The following SND1 variants were observed in gnomAD, a reference collection of about 807,000 sequenced individuals.
SND1 encodes the protein staphylococcal nuclease and tudor domain containing 1.
A neutral mutation model predicts 121.7 loss-of-function variants in SND1; 38 were observed. The ratio of observed to expected loss-of-function variants is 0.31; its 90% confidence interval spans 0.24 to 0.41. The LOEUF (loss-of-function observed/expected upper bound fraction) is 0.41. SND1 is among the 10% of genes least tolerant of loss of function. The pLI is 1.00. For missense variants in SND1, 868 were observed against 1,184.6 expected, an observed-to-expected ratio of 0.73 and a Z score of 3.92; for synonymous variants, 401 against 447.4, an observed-to-expected ratio of 0.90 and a Z score of 1.31.
At chr7:127,807,422 G>A (rs1467858809) in intron 10 of SND1, 62 bp from the exon 11 acceptor site, 1 of 1,265,876 alleles carries the variant, frequency 7.9e-7, no homozygotes, top group African/African-American at 1.5e-5. Context: ...TATATCTTGT[G>A]CTGTTGTACA....
At chr7:127,926,494 A>G (rs1584671841) in intron 14 of SND1, among the ~76,000 whole-genome samples, 1 of 148,840 alleles carries the variant, frequency 6.7e-6, no homozygotes. Flanking sequence ...GGAAATAAAC[A>G]TGGCCAGTTC....
chr7:127,799,291 T>TA (rs2116559833), intron 10 of SND1, among the ~76,000 whole-genome samples: 1 of 152,314 alleles, frequency 6.6e-6, no homozygotes, highest in Non-Finnish European at 1.5e-5. Context: ...TTGCTATTAC[T>TA]AGTTATGTGA....
intron 16 of SND1, among the ~76,000 whole-genome samples, chr7:128,019,723 A>G (rs146541891): frequency 1.1e-4 from 16 of 152,362 alleles, no homozygotes; most frequent in African/African-American, 3.8e-4. Flanking sequence ...ACTTGAAACC[A>G]TCATGAAGAA....
chr7:127,737,710 T>C (rs1248457461), intron 10 of SND1, among the ~76,000 whole-genome samples: 1 of 152,220 alleles, frequency 6.6e-6, no homozygotes, highest in Non-Finnish European at 1.5e-5. Context: ...TTGAATGTGC[T>C]CACTAGATGA....
chr7:127,759,032 C>T (rs907045735), intron 10 of SND1, among the ~76,000 whole-genome samples: 9 of 147,908 alleles, frequency 6.1e-5, no homozygotes, highest in Non-Finnish European at 1.2e-4. Context: ...CTGGCCTGGG[C>T]GACATAGCAA....
intron 10 of SND1, among the ~76,000 whole-genome samples, chr7:127,762,058 G>A (rs1797314496): frequency 6.6e-6 from 1 of 152,206 alleles, no homozygotes; most frequent in Non-Finnish European, 1.5e-5. Context: ...AAGAGATCTA[G>A]ATTTTCTTCC....
At chr7:127,765,977 C>T (rs887859820) in intron 10 of SND1, among the ~76,000 whole-genome samples, 36 of 152,250 alleles carry the variant, frequency 2.4e-4, no homozygotes, top group African/African-American at 8.2e-4. Context: ...GTGGTCAGAT[C>T]GTGTCCTCTA....
chr7:128,054,614 C>A (rs1793105084), intron 16 of SND1, among the ~76,000 whole-genome samples: 1 of 152,188 alleles, frequency 6.6e-6, no homozygotes, highest in South Asian at 2.1e-4. Context: ...GACCAAAGAG[C>A]TTTTAAATTC....
At chr7:127,689,169 C>T (rs1795871057) in intron 2 of SND1, among the ~76,000 whole-genome samples, 1 of 152,216 alleles carries the variant, frequency 6.6e-6, no homozygotes, top group African/African-American at 2.4e-5. Flanking sequence ...TGCTTTAGTG[C>T]ATGCTTATAA....
intron 16 of SND1, among the ~76,000 whole-genome samples, chr7:128,048,516 A>C (rs1320661464): frequency 6.6e-6 from 1 of 152,130 alleles, no homozygotes; most frequent in African/African-American, 2.4e-5. Flanking sequence ...ACTGTCTTTG[A>C]GTTAAGTGGT....
intron 10 of SND1, among the ~76,000 whole-genome samples, chr7:127,765,351 G>A (rs1797392478): frequency 6.6e-6 from 1 of 152,180 alleles, no homozygotes; most frequent in Admixed American, 6.5e-5. Context: ...TTAGAATACA[G>A]ATCCTCATGC....
intron 10 of SND1, among the ~76,000 whole-genome samples, chr7:127,805,648 A>G (rs1487133900): frequency 1.3e-5 from 2 of 152,204 alleles, no homozygotes; most frequent in African/African-American, 4.8e-5. Context: ...CCTTAACCAT[A>G]ATATCGACCT....
At chr7:127,953,179 T>C (rs1253825776) in intron 15 of SND1, among the ~76,000 whole-genome samples, 6 of 90,532 alleles carry the variant, frequency 6.6e-5, no homozygotes, top group Admixed American at 5.3e-4. Flanking sequence ...TGTGTGTGTG[T>C]GTGTGTGTGT....
chr7:127,653,273 C>A (rs1341511857), intron 1 of SND1, among the ~76,000 whole-genome samples: 1 of 152,182 alleles, frequency 6.6e-6, no homozygotes, highest in Admixed American at 6.5e-5. Flanking sequence ...CTCCTAGCTC[C>A]ATGATAATTT....
chr7:128,022,809 G>T (rs1336606610), intron 16 of SND1, among the ~76,000 whole-genome samples: 1 of 151,096 alleles, frequency 6.6e-6, no homozygotes, highest in Non-Finnish European at 1.5e-5. Context: ...CTGAAGGCTG[G>T]GTTGCTTCCC....
chr7:127,808,663 G>A (rs1029756260), intron 11 of SND1, among the ~76,000 whole-genome samples: 6 of 152,128 alleles, frequency 3.9e-5, no homozygotes, highest in African/African-American at 1.4e-4. Flanking sequence ...ATGAGTATTC[G>A]ATCTACTCAG....
chr7:127,722,553 G>A (rs1796515366), intron 10 of SND1, among the ~76,000 whole-genome samples: 1 of 151,820 alleles, frequency 6.6e-6, no homozygotes, highest in African/African-American at 2.4e-5. Flanking sequence ...TTTGTATAAA[G>A]GGATAACTAA....
rs181319268 is a variant in SND1 at position 127,957,954 on chromosome 7, G to A, written c.1669+28625G>A. On this transcript the variant is annotated intron_variant, in intron 15 of 23. Coordinates refer to ENST00000354725, the MANE Select transcript of SND1 (RefSeq NM_014390.4). ...TTGCCTCAAGCATTCCACCTGCCTC[G>A]GCCTCCCAAAGTGCTGGGGTTACAG... 9.9e-5 allele frequency among the ~76,000 whole-genome samples: 15 copies of A among 152,240 alleles called. No homozygotes were observed. In the East Asian group the frequency reaches 2.7e-3, roughly 27 times the overall value.
At chr7:128,050,875 C>A (rs1793034107) in intron 16 of SND1, among the ~76,000 whole-genome samples, 2 of 152,358 alleles carry the variant, frequency 1.3e-5, no homozygotes, top group South Asian at 4.1e-4. Flanking sequence ...CTAAGTCAGT[C>A]CTCCTGAGCT....
Sources: gnomAD v4.1 joint callset for allele counts (sites outside exome capture counted in the v4.1 genomes callset) on GRCh38, gnomAD v4.1.1 for gene constraint, MANE v1.5 for transcripts, NCBI Gene and HGNC (gene_info 2026-07-23, HGNC 2026-07-21) for gene names.